ASTN1: variants seen among roughly 807,000 people sequenced by gnomAD.
ASTN1 encodes the protein astrotactin-1.
ASTN1 carries 41 observed loss-of-function variants against 140.7 expected under a neutral mutation model. The observed-to-expected ratio is 0.29, with a 90% confidence interval of 0.23 to 0.38. The LOEUF (loss-of-function observed/expected upper bound fraction) is 0.38, where lower values mean the gene tolerates loss of function less well. Ranked by LOEUF, ASTN1 falls within the 10% of genes least tolerant of loss-of-function variation. The pLI, the probability that ASTN1 is intolerant of heterozygous loss-of-function variation, is 1.00. For missense variants in ASTN1, 1,479 were observed against 1,678.8 expected (o/e 0.88, Z 2.08); for synonymous variants, 640 against 652.2 (o/e 0.98, Z 0.29).
intron 1 of ASTN1, among the ~76,000 whole-genome samples, chr1:177,084,401 C>T (rs1003238005): frequency 6.6e-6 from 1 of 152,132 alleles, no homozygotes; most frequent in Non-Finnish European, 1.5e-5. Context: ...ACGAGTGTGT[C>T]CCCCCACAAA....
chr1:176,914,537 T>C (rs1166046931), intron 16 of ASTN1, among the ~76,000 whole-genome samples: 1 of 152,130 alleles, frequency 6.6e-6, no homozygotes, highest in African/African-American at 2.4e-5. Flanking sequence ...TAGGCTAGGG[T>C]CATACCGCAT....
chr1:177,024,505 GT>G, intron 6 of ASTN1, 77 bp downstream of exon 6: 1 of 1,535,522 alleles, frequency 6.5e-7, no homozygotes, highest in Non-Finnish European at 8.9e-7. Flanking sequence ...AGTGACTCCT[GT>G]CTTCTCTAGC....
At chr1:177,000,500 C>T (rs895017961) in intron 8 of ASTN1, among the ~76,000 whole-genome samples, 1 of 152,142 alleles carries the variant, frequency 6.6e-6, no homozygotes, top group African/African-American at 2.4e-5. Context: ...GAGACATCAT[C>T]CTATACACAA....
At chr1:177,085,831 T>C (rs1281667725) in intron 1 of ASTN1, among the ~76,000 whole-genome samples, 1 of 152,174 alleles carries the variant, frequency 6.6e-6, no homozygotes, top group East Asian at 1.9e-4. Context: ...TCGTACTTTC[T>C]TGGAGGCTCC....
At chr1:176,877,684 G>A (rs1668621176) in intron 20 of ASTN1, among the ~76,000 whole-genome samples, 1 of 152,212 alleles carries the variant, frequency 6.6e-6, no homozygotes, top group South Asian at 2.1e-4. Flanking sequence ...AAGGGCCTCT[G>A]ATAACCAACC....
chr1:176,877,700 G>C (rs186609280), intron 20 of ASTN1, among the ~76,000 whole-genome samples: 1 of 152,086 alleles, frequency 6.6e-6, no homozygotes, highest in Non-Finnish European at 1.5e-5. Flanking sequence ...CAACCCAGTC[G>C]GTCTAAAGAA....
chr1:177,033,501 C>G (rs1676559306), intron 2 of ASTN1, among the ~76,000 whole-genome samples: 1 of 152,186 alleles, frequency 6.6e-6, no homozygotes. Flanking sequence ...TTAAATGTCT[C>G]CATCTGAATA....
chr1:177,020,099 G>A (rs1348046317), intron 7 of ASTN1, among the ~76,000 whole-genome samples: 2 of 152,086 alleles, frequency 1.3e-5, no homozygotes, highest in Non-Finnish European at 2.9e-5. Flanking sequence ...TGTTGTCCAG[G>A]CTGATCTTGA....
intron 9 of ASTN1, among the ~76,000 whole-genome samples, chr1:176,960,098 G>T (rs1462310189): frequency 1.3e-5 from 2 of 152,136 alleles, no homozygotes; most frequent in African/African-American, 4.8e-5. Flanking sequence ...AGATTAAGGA[G>T]CCCATTCAGG....
intron 16 of ASTN1, among the ~76,000 whole-genome samples, chr1:176,921,287 G>A (rs1447036470): frequency 6.6e-6 from 1 of 152,048 alleles, no homozygotes; most frequent in African/African-American, 2.4e-5. Flanking sequence ...TGAGATTCAG[G>A]GAAACCTTGT....
chr1:176,920,986 A>G (rs1330630904), intron 16 of ASTN1, among the ~76,000 whole-genome samples: 1 of 152,216 alleles, frequency 6.6e-6, no homozygotes, highest in Non-Finnish European at 1.5e-5. Flanking sequence ...GAAATTTCCA[A>G]GAGAGAGAAG....
At chr1:177,048,718 T>G (rs1240828575) in intron 2 of ASTN1, among the ~76,000 whole-genome samples, 1 of 152,154 alleles carries the variant, frequency 6.6e-6, no homozygotes, top group Non-Finnish European at 1.5e-5. Flanking sequence ...CACTCCATCC[T>G]AAATCAAACC....
intron 1 of ASTN1, among the ~76,000 whole-genome samples, chr1:177,073,855 G>A (rs558118517): frequency 6.6e-6 from 1 of 151,606 alleles, no homozygotes; most frequent in Middle Eastern, 3.4e-3. Context: ...GGCTGTTAAA[G>A]TGAAAGTGCA....
At chr1:177,100,717 C>T (rs1329796295) in intron 1 of ASTN1, among the ~76,000 whole-genome samples, 1 of 152,168 alleles carries the variant, frequency 6.6e-6, no homozygotes, top group Non-Finnish European at 1.5e-5. Flanking sequence ...GACTCCATTT[C>T]TAAGTATAAG....
rs1358191454 is a variant in ASTN1 at position 177,085,008 on chromosome 1, A to G, written c.284-23743T>C. Among the ~76,000 whole-genome samples the G allele has an allele frequency of 2.6e-5, 4 of 152,192 alleles. 1 individual carries two copies. The highest frequency in any genetic ancestry group is 5.9e-5 in the Non-Finnish European group (4 of 68,036). Reference sequence around the variant, plus strand: ...AAGAGCCTGCTGAAGACATGGGTTGAGCACAACAAGTGAATGTTAAGGAAT... The same window carrying G: ...AAGAGCCTGCTGAAGACATGGGTTGGGCACAACAAGTGAATGTTAAGGAAT... On this transcript the variant is annotated intron_variant, in intron 1 of 22. Transcript: ENST00000361833.
At chr1:177,093,187 C>T (rs757401815) in intron 1 of ASTN1, among the ~76,000 whole-genome samples, 2 of 152,190 alleles carry the variant, frequency 1.3e-5, no homozygotes, top group Non-Finnish European at 2.9e-5. Flanking sequence ...ATATAACTAG[C>T]ATCCCTTTCA....
rs1254886772 is a variant in ASTN1, at chr1:176,937,564, C to T, written c.2378-1194G>A. On this transcript the variant is annotated intron_variant, in intron 14 of 22. Transcript: ENST00000361833. ...CTAGCCATTACTATAAATATAAATG[C>T]TACCGAAACAAAATAATTAGGCCAT... 2.0e-5 allele frequency among the ~76,000 whole-genome samples: 3 copies of T among 152,046 alleles called. No individual in the cohort carries two copies. In the East Asian group the frequency reaches 5.8e-4, roughly 29 times the overall value.
chr1:176,930,255 T>G (rs1671149003), intron 16 of ASTN1, among the ~76,000 whole-genome samples: 2 of 151,682 alleles, frequency 1.3e-5, no homozygotes, highest in Non-Finnish European at 2.9e-5. Context: ...ATCAATGGAG[T>G]TCACAAATCT....
chr1:177,145,365 C>CT (rs1342610672), intron 1 of ASTN1, among the ~76,000 whole-genome samples: 1 of 152,160 alleles, frequency 6.6e-6, no homozygotes, highest in African/African-American at 2.4e-5. Context: ...AACAATGTGC[C>CT]TTCCAGGCTC....
Sources: gnomAD v4.1 joint callset for allele counts (sites outside exome capture counted in the v4.1 genomes callset) on GRCh38, gnomAD v4.1.1 for gene constraint, MANE v1.5 for transcripts, NCBI Gene and HGNC (gene_info 2026-07-23, HGNC 2026-07-21) for gene names.